ZNF407: variants seen among roughly 807,000 people sequenced by gnomAD.
The protein encoded by ZNF407 is zinc finger protein 407.
A neutral mutation model predicts 131.2 loss-of-function variants in ZNF407; 17 were observed. The observed-to-expected ratio is 0.13, with a 90% CI of 0.09 to 0.19. The LOEUF (loss-of-function observed/expected upper bound fraction) is 0.19. Among genes scored for constraint, ZNF407 ranks in the 10% least tolerant of loss-of-function variants. ZNF407 has a pLI of 1.00. For synonymous variants in ZNF407, 1,156 were observed against 1,062.0 expected (o/e 1.09, Z -1.72); for missense variants, 2,681 against 2,830.6 (o/e 0.95, Z 1.20).
chr18:74,650,719 G>A (rs967488640), intron 3 of ZNF407, among the ~76,000 whole-genome samples: 1 of 152,082 alleles, frequency 6.6e-6, no homozygotes, highest in Non-Finnish European at 1.5e-5. Context: ...GAAGGGGTGG[G>A]CCACGGGAAT....
Position 74,635,348 on chromosome 18 carries a change from C to T in ZNF407, c.4329C>T (p.His1443=). 6.2e-7 allele frequency: 1 copy of T among 1,614,010 alleles called. No individual in the cohort carries two copies. The highest frequency in any genetic ancestry group is 1.1e-5 in the South Asian group (1 of 91,076). ...TGAAGCATCCTACAAAAGAGAAGCA[C>T]TTCCATTGTTTACTCTGTGGAAAGT... The part of the protein sequence containing the change: ...IAMKHPTKEK[H]FHCLLCGKSF... Residue 1443 remains histidine, a synonymous_variant, in exon 2 of 9, where the codon CAC becomes CAT. Transcript: ENST00000299687. The surrounding 1 kb of genome is among the most constrained non-coding windows in gnomAD (Gnocchi z 4.7).
intron 3 of ZNF407, among the ~76,000 whole-genome samples, chr18:74,727,679 T>C (rs1463625777): frequency 6.6e-6 from 1 of 152,152 alleles, no homozygotes; most frequent in Non-Finnish European, 1.5e-5. Flanking sequence ...CGAATATATG[T>C]TAGGAGGGAG....
intron 4 of ZNF407, among the ~76,000 whole-genome samples, chr18:74,827,797 T>C (rs1195452260): frequency 6.6e-6 from 1 of 152,222 alleles, no homozygotes; most frequent in African/African-American, 2.4e-5. Context: ...TGTGTGTATT[T>C]CTAAGTCTGT....
intron 4 of ZNF407, among the ~76,000 whole-genome samples, chr18:74,811,575 G>A (rs999824686): frequency 2.6e-5 from 4 of 152,104 alleles, no homozygotes; most frequent in South Asian, 4.2e-4. Context: ...ACATGCACAC[G>A]TATGTTTATT....
chr18:74,618,034 CCTGT>C (rs1408089724), intron 1 of ZNF407, among the ~76,000 whole-genome samples: 1 of 152,134 alleles, frequency 6.6e-6, no homozygotes, highest in African/African-American at 2.4e-5. Flanking sequence ...TCTCCATCTG[CCTGT>C]CTATCATTCA....
chr18:74,931,718 T>C (rs1290438200), intron 8 of ZNF407, among the ~76,000 whole-genome samples: 2 of 152,280 alleles, frequency 1.3e-5, no homozygotes, highest in South Asian at 2.1e-4. Context: ...CCGCCAGCAA[T>C]GTGTGAGTTC....
At chr18:74,841,023 T>C (rs939605159) in intron 4 of ZNF407, among the ~76,000 whole-genome samples, 2 of 152,208 alleles carry the variant, frequency 1.3e-5, no homozygotes, top group African/African-American at 4.8e-5. Flanking sequence ...AGGTCTCTGT[T>C]GTCACCTCTC....
chr18:74,759,289 T>C (rs913913620), intron 3 of ZNF407, among the ~76,000 whole-genome samples: 2 of 152,174 alleles, frequency 1.3e-5, no homozygotes, highest in Non-Finnish European at 2.9e-5. Flanking sequence ...CTGTTTAGCA[T>C]TTGACAGTTT....
intron 3 of ZNF407, among the ~76,000 whole-genome samples, chr18:74,701,440 G>A (rs184075354): frequency 5.9e-4 from 90 of 152,206 alleles, no homozygotes; most frequent in African/African-American, 1.9e-3. Context: ...CTACCTATAA[G>A]TTTAGCTCTG....
Position 74,634,857 on chromosome 18 carries a change from G to C in ZNF407, c.3838G>C (p.Gly1280Arg), listed in dbSNP as rs776123176. 6.2e-7 allele frequency: 1 copy of C among 1,613,646 alleles called. No individual in the cohort carries two copies. The highest frequency in any genetic ancestry group is 8.5e-7 in the Non-Finnish European group (1 of 1,179,726). The change falls in exon 2 of 9, where the codon GGG becomes CGG. Residue 1280 changes from glycine to arginine, a missense_variant. Physicochemically the swap from Gly to Arg is moderately radical, Grantham distance 125. Around this residue, in one of 6 missense-constraint regions of ZNF407, gnomAD observed 1,789 missense variants for 1,748.7 expected, o/e 1.02. Transcript: ENST00000299687. ...CAGAGAACAGGGAAATCTGGAGAGC[G>C]GGGGTCAGAACAGAGTTGCACGTGG... is the stretch of plus-strand genomic sequence containing the variant. ...ITREQGNLES[G>R]GQNRVARGHG...
intron 3 of ZNF407, among the ~76,000 whole-genome samples, chr18:74,736,672 C>A (rs569035402): frequency 1.3e-5 from 2 of 152,192 alleles, no homozygotes; most frequent in African/African-American, 4.8e-5. Flanking sequence ...CCCAGGATGC[C>A]TTTGTCAGTT....
chr18:74,959,788 T>G (rs1972317985), intron 8 of ZNF407, among the ~76,000 whole-genome samples: 1 of 152,196 alleles, frequency 6.6e-6, no homozygotes, highest in Non-Finnish European at 1.5e-5. Context: ...AGGTTGAAAT[T>G]TTTAGGATTT....
chr18:74,632,517 G>A lies in ZNF407; in HGVS notation c.1498G>A (p.Glu500Lys), dbSNP rs765716799. The A allele has an allele frequency of 2.5e-6, 4 of 1,614,050 alleles. No homozygotes were observed. Among genetic ancestry groups the A allele is most frequent in the South Asian group, 2.2e-5 (2 of 91,088 alleles). ...CVTTSETQEA[E>K]QGQGSARPPD... The stretch of plus-strand genomic sequence containing the variant: ...GACTACCTCAGAAACCCAGGAGGCA[G>A]AGCAGGGCCAGGGGAGTGCCCGTCC... The change falls in exon 2 of 9, where the codon GAG becomes AAG. Residue 500 changes from glutamate to lysine, a missense_variant. Glu to Lys is a moderately conservative substitution (Grantham distance 56, BLOSUM62 1). Coordinates refer to ENST00000299687, the MANE Select transcript of ZNF407 (RefSeq NM_017757.3).
intron 8 of ZNF407, among the ~76,000 whole-genome samples, chr18:74,934,714 A>C (rs1191822397): frequency 6.6e-6 from 1 of 152,192 alleles, no homozygotes. Flanking sequence ...GGTGAGGCAG[A>C]AGAATCACTT....
At chr18:74,885,826 A>C (rs1436774148) in intron 6 of ZNF407, among the ~76,000 whole-genome samples, 1 of 152,222 alleles carries the variant, frequency 6.6e-6, no homozygotes, top group Non-Finnish European at 1.5e-5. Flanking sequence ...CAAAATGATC[A>C]TAATCTAAAT....
chr18:74,940,565 A>G (rs1448214476), intron 8 of ZNF407, among the ~76,000 whole-genome samples: 1 of 152,208 alleles, frequency 6.6e-6, no homozygotes, highest in African/African-American at 2.4e-5. Context: ...TGAACCAAGA[A>G]GAAGGGGAAA....
intron 8 of ZNF407, among the ~76,000 whole-genome samples, chr18:74,962,269 G>A (rs1044486356): frequency 9.2e-5 from 14 of 152,160 alleles, no homozygotes; most frequent in Non-Finnish European, 1.9e-4. Flanking sequence ...TGGTTTTACT[G>A]TATTTACTCA....
chr18:75,033,585 A>G (rs980695502), intron 8 of ZNF407, among the ~76,000 whole-genome samples: 9 of 152,232 alleles, frequency 5.9e-5, no homozygotes, highest in Non-Finnish European at 1.3e-4. Context: ...GCAGATAAAA[A>G]GAGGCCAAAG....
At position 74,852,203 on chromosome 18, in the gene ZNF407, GCACGCACGCGCA is replaced by G. The variant is rs1970798126; in HGVS notation, c.4878-24992_4878-24981del. Among the ~76,000 whole-genome samples, 5 of 147,918 alleles carry G rather than the reference GCACGCACGCGCA, an allele frequency of 3.4e-5. No individual in the cohort carries two copies. The South Asian group carries it at 1.1e-3, about 32-fold the overall frequency. The stretch of plus-strand genomic sequence containing the variant: ...CACACACACACACACACACACGCAC[GCACGCACGCGCA>G]CGCGCGCGCGCATTGCTGGCTTTAT... On this transcript the variant is annotated intron_variant, in intron 4 of 8. Coordinates refer to ENST00000299687, the MANE Select transcript of ZNF407 (RefSeq NM_017757.3).
Sources: allele counts gnomAD v4.1 joint callset (sites outside exome capture counted in the v4.1 genomes callset), GRCh38; gene constraint gnomAD v4.1.1; regional missense constraint gnomAD v4.1.1; non-coding constraint Gnocchi (gnomAD v3.1); transcripts MANE v1.5; gene names NCBI Gene and HGNC (gene_info 2026-07-23, HGNC 2026-07-21).